TAGLN: variants seen among roughly 807,000 people sequenced by gnomAD.
TAGLN encodes the protein 22 kDa actin-binding protein.
Under a neutral mutation model 21.9 loss-of-function variants are expected in TAGLN, and 16 were observed. That is an observed-to-expected ratio of 0.73 (90% CI 0.49 to 1.11). TAGLN has a LOEUF of 1.11. Ranked by LOEUF, TAGLN falls within the 50% of genes least tolerant of loss-of-function variation. The pLI, the probability that TAGLN is intolerant of heterozygous loss-of-function variation, is 0.00. For synonymous variants in TAGLN, 96 were observed against 94.9 expected, an observed-to-expected ratio of 1.01 and a Z score of -0.06; for missense variants, 248 against 263.2, an observed-to-expected ratio of 0.94 and a Z score of 0.40.
In TAGLN at chr11:117,206,246, G is replaced by C; in HGVS notation, c.*1887G>C. ...TCCGGCTCCGATGGGGCCAGTGGCA[G>C]GGTCCACTCCTACAAACTTGATTGG... is the stretch of plus-strand genomic sequence containing the variant. On this transcript the variant is annotated 3_prime_UTR_variant, in exon 5 of 5. Coordinates refer to ENST00000392951, the MANE Select transcript of TAGLN (RefSeq NM_003186.5). 2 of 1,614,186 alleles carry C rather than the reference G, an allele frequency of 1.2e-6. No homozygotes were observed. The highest frequency in any genetic ancestry group is 1.1e-5 in the South Asian group (1 of 91,084).
In TAGLN at chr11:117,204,879, G is replaced by T. The variant is rs950733786; in HGVS notation, c.*520G>T. The T allele has an allele frequency of 1.3e-5, 3 of 228,072 alleles. No individual in the cohort carries two copies. The highest frequency in any genetic ancestry group is 4.5e-5 in the African/African-American group (2 of 44,216). The allele number at this position is 228,072 out of a possible 1,614,324, so 14.1% of individuals were successfully genotyped here. A position where few individuals can be genotyped will look rare whatever the true frequency, so the allele number is the denominator to read the frequency against. On this transcript the variant is annotated 3_prime_UTR_variant, in exon 5 of 5. Coordinates refer to ENST00000392951, the MANE Select transcript of TAGLN (RefSeq NM_003186.5). ...GGGGACAGGCAGGCATCTCGGGCTT[G>T]TATGTGTTCCTGGCTGCCGTCCTCT...
intron 1 of TAGLN, chr11:117,201,245 A>C (rs1181396720): frequency 1.3e-5 from 2 of 152,194 alleles, no homozygotes; most frequent in East Asian, 3.9e-4. Context: ...GGGTCCTCAG[A>C]AGTGGTCCTG....
chr11:117,205,805 A>G lies in TAGLN; in HGVS notation c.*1446A>G, dbSNP rs1279321897. 4.2e-6 allele frequency: 2 copies of G among 474,988 alleles called. No individual in the cohort carries two copies. The highest frequency in any genetic ancestry group is 7.4e-6 in the Non-Finnish European group (2 of 269,028). 29.4% of individuals were successfully genotyped at this position (474,988 alleles called of 1,614,324 possible). On this transcript the variant is annotated 3_prime_UTR_variant, in exon 5 of 5. Transcript: ENST00000392951. ...CAAAAGCTCCCGTTTGGCTGGAGGC[A>G]GACCCTGTGGCTCTGACCAGACTTC...
Position 117,204,612 on chromosome 11 carries a change from T to G in TAGLN, c.*253T>G. 1 of 587,716 alleles carries G rather than the reference T, an allele frequency of 1.7e-6. No homozygotes were observed. The allele number at this position is 587,716 out of a possible 1,614,324, so 36.4% of individuals were successfully genotyped here. On this transcript the variant is annotated 3_prime_UTR_variant, in exon 5 of 5. Coordinates refer to ENST00000392951, the MANE Select transcript of TAGLN (RefSeq NM_003186.5). ...TGCCCCCATCACCTCTACTGTCTCC[T>G]CCCTGGGCTAAGCAGGGGAGAAGCG...
chr11:117,205,659 T>G lies in TAGLN; in HGVS notation c.*1300T>G, dbSNP rs988432029. The G allele has an allele frequency of 3.7e-6, 1 of 271,284 alleles. No individual in the cohort carries two copies. Among genetic ancestry groups the G allele is most frequent in the African/African-American group, 2.1e-5 (1 of 46,520 alleles). The allele number at this position is 271,284 out of a possible 1,614,324, so 16.8% of individuals were successfully genotyped here. On this transcript the variant is annotated 3_prime_UTR_variant, in exon 5 of 5. Coordinates refer to ENST00000392951, the MANE Select transcript of TAGLN (RefSeq NM_003186.5). ...TGGCTATGGCAGGCACCTTCTCAACTTATATGTGGGAAGGGGTCCCCCATG... is the reference window on the plus strand; with the variant it reads ...TGGCTATGGCAGGCACCTTCTCAACGTATATGTGGGAAGGGGTCCCCCATG...
rs2031428267 is a variant in TAGLN, at chr11:117,206,714, T to C, written c.*2355T>C. ...TGTTGGGGGTGATGGTGTAACCATCTTCCTCAGGAATTTTCAGCCCCGGTG... is the reference window on the plus strand; with the variant it reads ...TGTTGGGGGTGATGGTGTAACCATCCTCCTCAGGAATTTTCAGCCCCGGTG... On this transcript the variant is annotated 3_prime_UTR_variant, in exon 5 of 5. Transcript: ENST00000392951. 1.5e-6 allele frequency: 1 copy of C among 682,130 alleles called. No homozygotes were observed. The highest frequency in any genetic ancestry group is 2.7e-6 in the Non-Finnish European group (1 of 375,888). The allele number at this position is 682,130 out of a possible 1,614,324, so 42.3% of individuals were successfully genotyped here.
In TAGLN at chr11:117,204,602, T is replaced by G; in HGVS notation, c.*243T>G. 2 of 611,040 alleles carry G rather than the reference T, an allele frequency of 3.3e-6. No homozygotes were observed. Among genetic ancestry groups the G allele is most frequent in the Non-Finnish European group, 6.0e-6 (2 of 334,208 alleles). 37.9% of individuals were successfully genotyped at this position (611,040 alleles called of 1,614,324 possible). On this transcript the variant is annotated 3_prime_UTR_variant, in exon 5 of 5. Transcript: ENST00000392951. ...CCCTCCCGGCTGCCCCCATCACCTC[T>G]ACTGTCTCCTCCCTGGGCTAAGCAG...
rs762892942 is a variant in TAGLN, at chr11:117,206,370, A to G, written c.*2011A>G. On this transcript the variant is annotated 3_prime_UTR_variant, in exon 5 of 5. Coordinates refer to ENST00000392951, the MANE Select transcript of TAGLN (RefSeq NM_003186.5). ...CAGCACCAGGGTCTGGGGCCGAGGCAAGCACCTACGTGAGGCACTGTTTCC... is the reference window on the plus strand; with the variant it reads ...CAGCACCAGGGTCTGGGGCCGAGGCGAGCACCTACGTGAGGCACTGTTTCC... The G allele has an allele frequency of 3.1e-6, 5 of 1,596,448 alleles. No homozygotes were observed. The East Asian group carries it at 9.0e-5, about 29-fold the overall frequency.
At chr11:117,201,077 G>C (rs758078277) in intron 1 of TAGLN, 2 of 152,376 alleles carry the variant, frequency 1.3e-5, no homozygotes, top group Non-Finnish European at 2.9e-5. Flanking sequence ...TTGGGTGGTT[G>C]GGGAGCGGGG....
intron 1 of TAGLN, among the ~76,000 whole-genome samples, chr11:117,200,837 C>T (rs2031063822): frequency 6.6e-6 from 1 of 152,104 alleles, no homozygotes; most frequent in South Asian, 2.1e-4. Flanking sequence ...CTCCTTCCAT[C>T]CTGTTCCTCA....
intron 1 of TAGLN, chr11:117,202,143 G>T: frequency 6.6e-6 from 1 of 152,436 alleles, no homozygotes; most frequent in Non-Finnish European, 1.5e-5. Context: ...AAGATCCCTG[G>T]GGGACTCTGA....
Position 117,203,768 on chromosome 11 carries a change from C to T in TAGLN, c.359-14C>T. On this transcript the variant is annotated splice_polypyrimidine_tract_variant and intron_variant, in intron 3 of 4. Coordinates refer to ENST00000392951, the MANE Select transcript of TAGLN (RefSeq NM_003186.5). The surrounding 1 kb of genome is among the most constrained non-coding windows in gnomAD (Gnocchi z 4.4). ...GTTCTTGATGTTCATCTCCTCTCTC[C>T]TGTCTTCTCACAGGCAAAGACATGG... 6.2e-7 allele frequency: 1 copy of T among 1,609,770 alleles called. No homozygotes were observed. Among genetic ancestry groups the T allele is most frequent in the Non-Finnish European group, 8.5e-7 (1 of 1,176,222 alleles).
At chr11:117,201,015 C>T (rs1030372615) in intron 1 of TAGLN, among the ~76,000 whole-genome samples, 2 of 152,128 alleles carry the variant, frequency 1.3e-5, no homozygotes, top group Admixed American at 1.3e-4. Flanking sequence ...CCAAAATCAC[C>T]TGGTCCCAGC....
intron 1 of TAGLN, chr11:117,201,059 A>C (rs945086466): frequency 1.3e-5 from 2 of 152,218 alleles, no homozygotes; most frequent in African/African-American, 4.8e-5. Flanking sequence ...TTCTTTGTGC[A>C]GGAGTCCTTG....
chr11:117,202,532 G>A (rs1297844363), intron 1 of TAGLN: 1 of 152,306 alleles, frequency 6.6e-6, no homozygotes, highest in Non-Finnish European at 1.5e-5. Context: ...CTTCTGGAAG[G>A]TCTCTCCAGT....
intron 1 of TAGLN, among the ~76,000 whole-genome samples, chr11:117,200,998 A>C (rs1364844465): frequency 6.6e-6 from 1 of 152,060 alleles, no homozygotes; most frequent in Non-Finnish European, 1.5e-5. Flanking sequence ...GCCAGGATGC[A>C]GGGCTACCAA....
Position 117,204,476 on chromosome 11 carries a change from G to C in TAGLN, c.*117G>C. ...CCTTCAGCCCTGGCCAAGCTTTGAG[G>C]CTCTGTCACTGAGCAATGGTAACTG... On this transcript the variant is annotated 3_prime_UTR_variant, in exon 5 of 5. Coordinates refer to ENST00000392951, the MANE Select transcript of TAGLN (RefSeq NM_003186.5). 1 of 1,493,796 alleles carries C rather than the reference G, an allele frequency of 6.7e-7. No individual in the cohort carries two copies. The highest frequency in any genetic ancestry group is 1.2e-5 in the South Asian group (1 of 84,608). 92.5% of individuals were successfully genotyped at this position (1,493,796 alleles called of 1,614,324 possible).
rs1565298092 is a variant in TAGLN at position 117,205,760 on chromosome 11, CCT to C, written c.*1402_*1403del. The C allele has an allele frequency of 9.7e-6, 4 of 412,812 alleles. No homozygotes were observed. The highest frequency in any genetic ancestry group is 1.8e-4 in the South Asian group (2 of 10,836). 25.6% of individuals were successfully genotyped at this position (412,812 alleles called of 1,614,324 possible). ...CCAAACCAAAGGGGGGCGCCAATCC[CCT>C]GTCCAACACCTTCTCACCAAAAGCT... On this transcript the variant is annotated 3_prime_UTR_variant, in exon 5 of 5. Transcript: ENST00000392951.
At chr11:117,204,094 T>G (rs543191586) in intron 4 of TAGLN, 121 bp from the exon 5 acceptor site, 8 of 1,455,558 alleles carry the variant, frequency 5.5e-6, no homozygotes, top group East Asian at 2.3e-5. Flanking sequence ...CAAGCTAGAT[T>G]AGGGAAAAAA....
Sources: allele counts gnomAD v4.1 joint callset (sites outside exome capture counted in the v4.1 genomes callset), GRCh38; gene constraint gnomAD v4.1.1; non-coding constraint Gnocchi (gnomAD v3.1); transcripts MANE v1.5; gene names NCBI Gene and HGNC (gene_info 2026-07-23, HGNC 2026-07-21).